Variants in NUP37 observed in about 807,000 individuals in gnomAD.
The protein encoded by NUP37 is nucleoporin Nup37.
Under a neutral mutation model 45.4 loss-of-function variants are expected in NUP37, and 33 were observed. The observed-to-expected ratio is 0.73, with a 90% CI of 0.55 to 0.97. The LOEUF (loss-of-function observed/expected upper bound fraction) is 0.97, where lower values mean the gene tolerates loss of function less well. NUP37 is among the 50% of genes least tolerant of loss of function. The pLI is 0.00. For synonymous variants in NUP37, 127 were observed against 130.7 expected (o/e 0.97, Z 0.19); for missense variants, 365 against 389.7 (o/e 0.94, Z 0.53).
chr12:102,090,236 CTTTTT>C (rs911783018), intron 5 of NUP37, among the ~76,000 whole-genome samples: 2 of 145,146 alleles, frequency 1.4e-5, no homozygotes, highest in African/African-American at 2.5e-5. Context: ...TTTCTCAACT[CTTTTT>C]TTTTTTGCGT....
At chr12:102,088,928 G>GC (rs1399082227) in intron 5 of NUP37, among the ~76,000 whole-genome samples, 1 of 151,964 alleles carries the variant, frequency 6.6e-6, no homozygotes, top group African/African-American at 2.4e-5. Context: ...CGAGCATGCT[G>GC]CCTTCAAGCA....
intron 2 of NUP37, among the ~76,000 whole-genome samples, chr12:102,114,765 A>C (rs955013749): frequency 6.7e-6 from 1 of 149,182 alleles, no homozygotes; most frequent in Non-Finnish European, 1.5e-5. Context: ...TGAAAAAAAG[A>C]GTTTACACAA....
At chr12:102,117,617 G>A (rs1207209099) in intron 2 of NUP37, among the ~76,000 whole-genome samples, 1 of 152,148 alleles carries the variant, frequency 6.6e-6, no homozygotes, top group East Asian at 1.9e-4. Context: ...TTAAACCTGA[G>A]AGTGTTACCA....
chr12:102,100,030 C>G (rs1255813115), intron 4 of NUP37, among the ~76,000 whole-genome samples: 1 of 151,832 alleles, frequency 6.6e-6, no homozygotes, highest in African/African-American at 2.4e-5. Context: ...TCCTGAGCAA[C>G]TTTAACAAAC....
intron 2 of NUP37, among the ~76,000 whole-genome samples, chr12:102,116,747 G>A (rs532956786): frequency 2.0e-5 from 3 of 152,214 alleles, no homozygotes; most frequent in Non-Finnish European, 2.9e-5. Context: ...GCTCACGCCT[G>A]TAATCCCAGT....
At chr12:102,079,156 A>G in intron 6 of NUP37, 1 of 451,982 alleles carries the variant, frequency 2.2e-6, no homozygotes, top group South Asian at 1.6e-5. Context: ...GGGATTTGGC[A>G]TCAAAACTCC....
intron 3 of NUP37, among the ~76,000 whole-genome samples, chr12:102,104,008 G>GT (rs1880050560): frequency 6.6e-6 from 1 of 152,142 alleles, no homozygotes; most frequent in Non-Finnish European, 1.5e-5. Flanking sequence ...TGCAAGTTAG[G>GT]TAATTCTATT....
intron 6 of NUP37, among the ~76,000 whole-genome samples, chr12:102,080,099 A>G (rs556974674): frequency 6.6e-6 from 1 of 152,372 alleles, no homozygotes; most frequent in East Asian, 1.9e-4. Flanking sequence ...TAAAGGACAT[A>G]ATCCTTGATC....
chr12:102,077,527 A>G, intron 6 of NUP37, 24 bp from the exon 7 acceptor site: 1 of 1,594,734 alleles, frequency 6.3e-7, no homozygotes, highest in Non-Finnish European at 8.5e-7. Context: ...AAATAAAAAG[A>G]AACTCAATCA....
chr12:102,084,465 G>A (rs1357152020), intron 6 of NUP37, among the ~76,000 whole-genome samples: 4 of 124,444 alleles, frequency 3.2e-5, no homozygotes, highest in Admixed American at 7.7e-5. Context: ...GGGTAACATG[G>A]TGAAACTGTT....
At chr12:102,106,236 A>T (rs1880150623) in intron 3 of NUP37, among the ~76,000 whole-genome samples, 2 of 152,168 alleles carry the variant, frequency 1.3e-5, no homozygotes, top group Admixed American at 1.3e-4. Flanking sequence ...GTGATAATAA[A>T]TTTCTGTTGT....
chr12:102,075,370 T>C (rs755179160), intron 8 of NUP37, among the ~76,000 whole-genome samples: 6 of 151,982 alleles, frequency 3.9e-5, no homozygotes, highest in Non-Finnish European at 7.4e-5. Flanking sequence ...TTTGTAGGAA[T>C]GGGGTCTTGC....
intron 3 of NUP37, among the ~76,000 whole-genome samples, chr12:102,105,983 T>C (rs151068075): frequency 5.3e-5 from 8 of 151,986 alleles, no homozygotes; most frequent in Non-Finnish European, 2.9e-5. Context: ...TAAAGGATAC[T>C]AAGATGATCA....
At chr12:102,103,616 T>C (rs978402081) in intron 3 of NUP37, among the ~76,000 whole-genome samples, 4 of 152,196 alleles carry the variant, frequency 2.6e-5, no homozygotes, top group Non-Finnish European at 5.9e-5. Flanking sequence ...CTTCAAGTAC[T>C]ATGTTGACAA....
intron 3 of NUP37, among the ~76,000 whole-genome samples, chr12:102,102,802 T>C (rs1261028793): frequency 6.6e-6 from 1 of 152,244 alleles, no homozygotes; most frequent in African/African-American, 2.4e-5. Flanking sequence ...CGGTTCAATT[T>C]CATTCTTCTG....
At chr12:102,080,726 T>C (rs903070762) in intron 6 of NUP37, among the ~76,000 whole-genome samples, 13 of 152,210 alleles carry the variant, frequency 8.5e-5, no homozygotes, top group Non-Finnish European at 1.6e-4. Flanking sequence ...TCTGTTTAAC[T>C]ACAGTGCACA....
Position 102,076,780 on chromosome 12 carries a change from C to CA in NUP37, c.773+16dup, listed in dbSNP as rs757406957. ...TCAAAAGATCAAATCACAGCTCCAA[C>CA]AAAAACGGTACATTACCTGAATAAG... On this transcript the variant is annotated intron_variant, in intron 8 of 9. Coordinates refer to ENST00000552283, the MANE Select transcript of NUP37 (RefSeq NM_024057.4). 6 of 1,610,848 alleles carry CA rather than the reference C, an allele frequency of 3.7e-6. No individual in the cohort carries two copies. The African/African-American group carries it at 8.0e-5, about 22-fold the overall frequency.
At chr12:102,089,805 C>T (rs772624406) in intron 5 of NUP37, among the ~76,000 whole-genome samples, 1 of 152,196 alleles carries the variant, frequency 6.6e-6, no homozygotes, top group East Asian at 1.9e-4. Context: ...ATGCCTTATA[C>T]GGTCTTCAAT....
At chr12:102,105,523 C>T (rs1054688020) in intron 3 of NUP37, among the ~76,000 whole-genome samples, 1 of 151,560 alleles carries the variant, frequency 6.6e-6, no homozygotes, top group African/African-American at 2.4e-5. Flanking sequence ...GGAGCGAAAC[C>T]CTGTCTCAAC....
Sources: gnomAD v4.1 joint callset for allele counts (sites outside exome capture counted in the v4.1 genomes callset) on GRCh38, gnomAD v4.1.1 for gene constraint, MANE v1.5 for transcripts, NCBI Gene and HGNC (gene_info 2026-07-23, HGNC 2026-07-21) for gene names.